CACNA2D3: variants seen among roughly 807,000 people sequenced by gnomAD.
The protein encoded by CACNA2D3 is calcium voltage-gated channel auxiliary subunit alpha2delta 3.
A neutral mutation model predicts 160.6 loss-of-function variants in CACNA2D3; 60 were observed. The observed-to-expected ratio is 0.37, with a 90% CI of 0.30 to 0.46. The LOEUF is 0.46. CACNA2D3 is among the 20% of genes least tolerant of loss of function. The probability of loss-of-function intolerance (pLI) is 1.00; values close to 1 mark genes in which losing one functional copy is unlikely to be tolerated. For missense variants in CACNA2D3, 1,205 were observed against 1,365.0 expected (o/e 0.88, Z 1.85); for synonymous variants, 558 against 492.9 (o/e 1.13, Z -1.75).
intron 35 of CACNA2D3, among the ~76,000 whole-genome samples, chr3:55,025,693 T>C (rs977036600): frequency 6.7e-6 from 1 of 148,546 alleles, no homozygotes; most frequent in African/African-American, 2.5e-5. Context: ...ATATCAGTCA[T>C]GGCTAGTCTG....
At chr3:54,693,041 C>T (rs1700597682) in intron 11 of CACNA2D3, among the ~76,000 whole-genome samples, 2 of 152,182 alleles carry the variant, frequency 1.3e-5, no homozygotes, top group South Asian at 4.2e-4. Flanking sequence ...ACCACCACCA[C>T]CACCACCACC....
intron 2 of CACNA2D3, among the ~76,000 whole-genome samples, chr3:54,252,071 T>TA (rs1702199429): frequency 6.6e-6 from 1 of 151,398 alleles, no homozygotes; most frequent in African/African-American, 2.4e-5. Context: ...TGGATCCCAG[T>TA]GGTTCCAATT....
chr3:54,428,345 A>G (rs914713269), intron 4 of CACNA2D3, among the ~76,000 whole-genome samples: 4 of 152,208 alleles, frequency 2.6e-5, no homozygotes, highest in African/African-American at 9.7e-5. Flanking sequence ...ATTGAATTAA[A>G]GTAAATGAAG....
At chr3:54,254,019 C>T (rs1281305478) in intron 2 of CACNA2D3, among the ~76,000 whole-genome samples, 1 of 152,150 alleles carries the variant, frequency 6.6e-6, no homozygotes, top group Non-Finnish European at 1.5e-5. Context: ...GCCGCCTCAG[C>T]CTCCCAAAGT....
chr3:55,044,465 CTAACT>C lies in CACNA2D3; in HGVS notation c.2987+26151_2987+26155del, dbSNP rs145440891. Among the ~76,000 whole-genome samples the C allele has an allele frequency of 4.6e-3, 707 of 152,260 alleles. 6 individuals carry two copies. Among genetic ancestry groups the C allele is most frequent in the African/African-American group, 0.015 (633 of 41,574 alleles). On this transcript the variant is annotated intron_variant, in intron 35 of 37. Coordinates refer to ENST00000474759, the MANE Select transcript of CACNA2D3 (RefSeq NM_018398.3). The stretch of plus-strand genomic sequence containing the variant: ...TATCTCGTTTCTGAACTTTTCTAAA[CTAACT>C]TATTAGTCAACACTTGCTTTTTTAT...
rs1702164269 is a variant in CACNA2D3, at chr3:54,763,880, T to TAC, written c.1247-338_1247-337insAC. Among the ~76,000 whole-genome samples, 3 of 18,468 alleles carry TAC rather than the reference T, an allele frequency of 1.6e-4. 1 individual carries two copies. The highest frequency in any genetic ancestry group is 6.5e-4 in the African/African-American group (3 of 4,634). 12.1% of individuals were successfully genotyped at this position (18,468 alleles called of 152,430 possible). A position where few individuals can be genotyped will look rare whatever the true frequency, so the allele number is the denominator to read the frequency against. On this transcript the variant is annotated intron_variant, in intron 12 of 37. Coordinates refer to ENST00000474759, the MANE Select transcript of CACNA2D3 (RefSeq NM_018398.3). ...ATACATATATATATACGTATATATATGTATATATATGTATGTGGGGGGGGG... is the reference window on the plus strand; with the variant it reads ...ATACATATATATATACGTATATATATACGTATATATATGTATGTGGGGGGGGG...
At chr3:54,799,728 C>T (rs1702942770) in intron 13 of CACNA2D3, among the ~76,000 whole-genome samples, 1 of 152,148 alleles carries the variant, frequency 6.6e-6, no homozygotes, top group Non-Finnish European at 1.5e-5. Flanking sequence ...CCTTGGAGGA[C>T]CATTCTGGCC....
At chr3:54,650,480 C>T (rs1047058450) in intron 11 of CACNA2D3, among the ~76,000 whole-genome samples, 2 of 152,220 alleles carry the variant, frequency 1.3e-5, no homozygotes, top group Non-Finnish European at 2.9e-5. Context: ...TCTTCTGCCT[C>T]AGCCTCCCCA....
At chr3:54,650,280 C>T (rs1699735684) in intron 11 of CACNA2D3, among the ~76,000 whole-genome samples, 1 of 151,994 alleles carries the variant, frequency 6.6e-6, no homozygotes, top group Admixed American at 6.6e-5. Context: ...CTAACTGCAA[C>T]CTCCGCCTCC....
chr3:54,692,845 C>A (rs1427872659), intron 11 of CACNA2D3, among the ~76,000 whole-genome samples: 1 of 152,174 alleles, frequency 6.6e-6, no homozygotes, highest in Non-Finnish European at 1.5e-5. Flanking sequence ...CAATTCTGTT[C>A]AACTCAAAAG....
chr3:54,665,837 C>A (rs753619753), intron 11 of CACNA2D3, among the ~76,000 whole-genome samples: 1 of 151,028 alleles, frequency 6.6e-6, no homozygotes, highest in Non-Finnish European at 1.5e-5. Context: ...ACCCAGGTTC[C>A]GCCACCCAGG....
rs1297601977 is a variant in CACNA2D3, at chr3:54,873,709, C to T, written c.1710+2087C>T. ...CTCAAGCAAGTCCAGTGCTTTTGTTCTGCACAAATTGTTCTCTGGTTACGT... is the reference window on the plus strand; with the variant it reads ...CTCAAGCAAGTCCAGTGCTTTTGTTTTGCACAAATTGTTCTCTGGTTACGT... On this transcript the variant is annotated intron_variant, in intron 18 of 37. Transcript: ENST00000474759. Among the ~76,000 whole-genome samples, 5 of 152,288 alleles carry T rather than the reference C, an allele frequency of 3.3e-5. No individual in the cohort carries two copies. The East Asian group carries it at 7.7e-4, about 24-fold the overall frequency.
chr3:54,891,596 C>G, intron 25 of CACNA2D3, 146 bp downstream of exon 25: 1 of 662,986 alleles, frequency 1.5e-6, no homozygotes, highest in South Asian at 1.9e-5. Flanking sequence ...CCTCTCTGTT[C>G]TACCATGCGG....
intron 3 of CACNA2D3, among the ~76,000 whole-genome samples, chr3:54,326,866 A>G (rs1704131009): frequency 6.6e-6 from 1 of 152,328 alleles, no homozygotes; most frequent in South Asian, 2.1e-4. Context: ...AGAAAAAAAT[A>G]ATGTTTTCTG....
chr3:54,815,994 G>A (rs193002611), intron 13 of CACNA2D3, among the ~76,000 whole-genome samples: 27 of 152,268 alleles, frequency 1.8e-4, no homozygotes, highest in Non-Finnish European at 2.5e-4. Context: ...GAATTAAACC[G>A]TAGCCTAATA....
chr3:54,605,880 A>T (rs963581745), intron 9 of CACNA2D3, among the ~76,000 whole-genome samples: 2 of 152,194 alleles, frequency 1.3e-5, no homozygotes, highest in Non-Finnish European at 2.9e-5. Flanking sequence ...TTTCATATGA[A>T]TTTGATGATA....
intron 11 of CACNA2D3, among the ~76,000 whole-genome samples, chr3:54,685,915 G>T (rs1700441455): frequency 6.6e-6 from 1 of 152,218 alleles, no homozygotes; most frequent in South Asian, 2.1e-4. Context: ...AGACTGTGGG[G>T]TGCTCATGGG....
At chr3:54,461,796 A>C (rs1700510352) in intron 4 of CACNA2D3, among the ~76,000 whole-genome samples, 1 of 151,612 alleles carries the variant, frequency 6.6e-6, no homozygotes, top group Non-Finnish European at 1.5e-5. Context: ...CTCTGATTTT[A>C]GTTATTTCTT....
intron 11 of CACNA2D3, among the ~76,000 whole-genome samples, chr3:54,751,242 C>T (rs1701851951): frequency 6.6e-6 from 1 of 152,108 alleles, no homozygotes; most frequent in South Asian, 2.1e-4. Flanking sequence ...CCCAGAAATC[C>T]CCTTGCAGGA....
Sources: gnomAD v4.1 joint callset for allele counts (sites outside exome capture counted in the v4.1 genomes callset) on GRCh38, gnomAD v4.1.1 for gene constraint, MANE v1.5 for transcripts, NCBI Gene and HGNC (gene_info 2026-07-23, HGNC 2026-07-21) for gene names.